The following SSBP2 variants were observed in gnomAD, a reference collection of about 807,000 sequenced individuals.
SSBP2 encodes the protein single-stranded DNA-binding protein 2.
In SSBP2, 17 loss-of-function variants were observed where a neutral mutation model predicts 61.8. The ratio of observed to expected loss-of-function variants is 0.28; its 90% CI spans 0.19 to 0.41. SSBP2 has a LOEUF of 0.41. Ranked by LOEUF, SSBP2 falls within the 10% of genes least tolerant of loss-of-function variation. The probability of loss-of-function intolerance (pLI) is 1.00; values close to 1 mark genes in which losing one functional copy is unlikely to be tolerated. For synonymous variants in SSBP2, 139 were observed against 141.3 expected (o/e 0.98, Z 0.12); for missense variants, 310 against 458.7 (o/e 0.68, Z 2.96).
At chr5:81,657,951 A>G (rs1484738360) in intron 1 of SSBP2, among the ~76,000 whole-genome samples, 2 of 152,180 alleles carry the variant, frequency 1.3e-5, no homozygotes, top group Non-Finnish European at 2.9e-5. Context: ...ATAAATATTC[A>G]TAATATACAA....
intron 4 of SSBP2, among the ~76,000 whole-genome samples, chr5:81,576,554 GTACT>G (rs1774232303): frequency 1.3e-5 from 2 of 152,192 alleles, no homozygotes; most frequent in African/African-American, 4.8e-5. Context: ...CAGAGTCTGT[GTACT>G]TACTTAACCA....
intron 16 of SSBP2, among the ~76,000 whole-genome samples, chr5:81,424,379 G>C (rs1244810447): frequency 6.6e-6 from 1 of 151,962 alleles, no homozygotes; most frequent in African/African-American, 2.4e-5. Flanking sequence ...AGCCAAGATC[G>C]CACCATTGCA....
chr5:81,520,273 C>A (rs1427976609), intron 4 of SSBP2, among the ~76,000 whole-genome samples: 1 of 152,168 alleles, frequency 6.6e-6, no homozygotes, highest in Non-Finnish European at 1.5e-5. Context: ...GCGTGAGCCA[C>A]CACGCCTGGT....
intron 1 of SSBP2, among the ~76,000 whole-genome samples, chr5:81,666,356 T>A (rs1389573094): frequency 2.0e-5 from 3 of 152,136 alleles, no homozygotes; most frequent in Non-Finnish European, 4.4e-5. Flanking sequence ...GACAGAGACA[T>A]CAATGAAAAA....
At chr5:81,750,671 T>C (rs1430130180) in intron 1 of SSBP2, 5 of 321,900 alleles carry the variant, frequency 1.6e-5, no homozygotes, top group Non-Finnish European at 2.8e-5. Context: ...CTTTGGAAGG[T>C]GAACCCGCGG....
intron 3 of SSBP2, among the ~76,000 whole-genome samples, chr5:81,623,969 A>G (rs1746889761): frequency 6.6e-6 from 1 of 152,184 alleles, no homozygotes; most frequent in South Asian, 2.1e-4. Flanking sequence ...AGGCAAAGAA[A>G]TAGAGCCTTT....
rs973894183 is a variant in SSBP2, at chr5:81,718,794, G to A, written c.62+32187C>T. Among the ~76,000 whole-genome samples the A allele has an allele frequency of 5.3e-5, 8 of 152,192 alleles. No homozygotes were observed. In the South Asian group the frequency reaches 1.7e-3, roughly 32 times the overall value. On this transcript the variant is annotated intron_variant, in intron 1 of 16. Coordinates refer to ENST00000320672, the MANE Select transcript of SSBP2 (RefSeq NM_012446.5). ...GGGAAATCTAAGTAAGAAATGCACT[G>A]ATTAGCGTCTTCCATGATATTTAGC...
intron 1 of SSBP2, among the ~76,000 whole-genome samples, chr5:81,686,309 T>G (rs1752766989): frequency 6.6e-6 from 1 of 152,178 alleles, no homozygotes; most frequent in South Asian, 2.1e-4. Context: ...GTAAATCAAA[T>G]TCATATTGTA....
chr5:81,574,033 C>T (rs561497360), intron 4 of SSBP2, among the ~76,000 whole-genome samples: 32 of 151,848 alleles, frequency 2.1e-4, no homozygotes, highest in African/African-American at 6.3e-4. Flanking sequence ...CCCAGCTACT[C>T]GGGAGGCTGA....
Position 81,420,493 on chromosome 5 carries a change from T to C in SSBP2, c.*11A>G, listed in dbSNP as rs375657827. 1.7e-5 allele frequency: 27 copies of C among 1,613,336 alleles called. No individual in the cohort carries two copies. The highest frequency in any genetic ancestry group is 8.0e-5 in the African/African-American group (6 of 74,898). ...CTCACTGTGGTTTTCATGAGGAGAC[T>C]TGGTAATGGATCACACGCTCATTGT... On this transcript the variant is annotated 3_prime_UTR_variant, in exon 17 of 17. Coordinates refer to ENST00000320672, the MANE Select transcript of SSBP2 (RefSeq NM_012446.5).
chr5:81,437,759 C>A (rs1228637529), intron 14 of SSBP2: 1 of 193,182 alleles, frequency 5.2e-6, no homozygotes. Context: ...ATTTTATATA[C>A]CCTACCCAAT....
intron 1 of SSBP2, among the ~76,000 whole-genome samples, chr5:81,714,841 G>A (rs888755830): frequency 2.6e-5 from 4 of 151,962 alleles, no homozygotes; most frequent in African/African-American, 9.7e-5. Context: ...CCATTCTATA[G>A]GTTGCTTGTA....
intron 1 of SSBP2, among the ~76,000 whole-genome samples, chr5:81,695,066 G>A (rs1417724095): frequency 6.6e-6 from 1 of 152,152 alleles, no homozygotes; most frequent in African/African-American, 2.4e-5. Flanking sequence ...TTCAATTACA[G>A]ATAATGTTCA....
chr5:81,443,052 G>T (rs1046313927), intron 12 of SSBP2: 2 of 159,480 alleles, frequency 1.3e-5, no homozygotes, highest in African/African-American at 4.8e-5. Context: ...GTGTGTATAT[G>T]TAATATATAA....
At chr5:81,593,869 A>T (rs913409629) in intron 4 of SSBP2, among the ~76,000 whole-genome samples, 3 of 152,248 alleles carry the variant, frequency 2.0e-5, no homozygotes, top group African/African-American at 4.8e-5. Context: ...AACAACTGGT[A>T]CCAGCCACTG....
At chr5:81,589,772 G>T (rs942829613) in intron 4 of SSBP2, among the ~76,000 whole-genome samples, 3 of 152,090 alleles carry the variant, frequency 2.0e-5, no homozygotes, top group Non-Finnish European at 4.4e-5. Context: ...CTGGAGGCTG[G>T]AAAGTACAAA....
chr5:81,735,679 GGACT>G (rs1756552463), intron 1 of SSBP2, among the ~76,000 whole-genome samples: 1 of 152,018 alleles, frequency 6.6e-6, no homozygotes, highest in South Asian at 2.1e-4. Flanking sequence ...CCCACAGAGA[GGACT>G]GACTGTATAT....
Position 81,448,867 on chromosome 5 carries a change from C to G in SSBP2, c.688-42G>C, listed in dbSNP as rs116126977. ...ACAAAAAAATTTTTGATTCATGTAGCAATATGGACACTGACCTAAAATGAA... is the reference window on the plus strand; with the variant it reads ...ACAAAAAAATTTTTGATTCATGTAGGAATATGGACACTGACCTAAAATGAA... On this transcript the variant is annotated intron_variant, in intron 10 of 16. Transcript: ENST00000320672. 1.2e-3 allele frequency: 1,768 copies of G among 1,439,384 alleles called. 12 individuals are homozygous for G. In the African/African-American group the frequency reaches 0.02, roughly 16 times the overall value. 89.2% of individuals were successfully genotyped at this position (1,439,384 alleles called of 1,614,324 possible).
chr5:81,542,479 T>C (rs1771349108), intron 4 of SSBP2, among the ~76,000 whole-genome samples: 1 of 152,014 alleles, frequency 6.6e-6, no homozygotes, highest in Admixed American at 6.6e-5. Context: ...GCACCACTAC[T>C]CACAATAGCA....
Sources: allele counts gnomAD v4.1 joint callset (sites outside exome capture counted in the v4.1 genomes callset), GRCh38; gene constraint gnomAD v4.1.1; transcripts MANE v1.5; gene names NCBI Gene and HGNC (gene_info 2026-07-23, HGNC 2026-07-21).